PATJ: variants seen among roughly 807,000 people sequenced by gnomAD.
PATJ encodes inaD-like protein.
In PATJ, 190 loss-of-function variants were observed where a neutral mutation model predicts 224.9. That is an observed-to-expected ratio of 0.84 (90% CI 0.75 to 0.95). The LOEUF is 0.95. Ranked by LOEUF, PATJ falls within the 40% of genes least tolerant of loss-of-function variation. PATJ has a pLI of 0.00. For missense variants in PATJ, 2,121 were observed against 2,270.3 expected, an observed-to-expected ratio of 0.93 and a Z score of 1.34; for synonymous variants, 769 against 820.3, an observed-to-expected ratio of 0.94 and a Z score of 1.07.
At chr1:62,144,778 ATAT>A (rs1410511814) in intron 41 of PATJ, among the ~76,000 whole-genome samples, 1,916 of 50,696 alleles carry the variant, frequency 0.038, 61 homozygotes, top group African/African-American at 0.096. Context: ...AAAAAAAAAA[ATAT>A]ATATATATAT....
chr1:62,090,329 G>A (rs796149744), intron 33 of PATJ, among the ~76,000 whole-genome samples: 7 of 152,266 alleles, frequency 4.6e-5, no homozygotes, highest in African/African-American at 1.7e-4. Context: ...TTTGCTCAAA[G>A]GCTGCCCTTT....
chr1:62,000,980 G>T (rs1410580499), intron 28 of PATJ, among the ~76,000 whole-genome samples: 1 of 151,680 alleles, frequency 6.6e-6, no homozygotes, highest in Non-Finnish European at 1.5e-5. Context: ...GTGTCTGTTG[G>T]CTGCATAAAT....
chr1:62,071,778 C>T (rs577030195), intron 31 of PATJ, among the ~76,000 whole-genome samples: 5 of 152,266 alleles, frequency 3.3e-5, no homozygotes, highest in East Asian at 1.9e-4. Context: ...TGAACCACTG[C>T]GCCCGGCCAG....
chr1:62,059,771 T>C (rs905002749), intron 31 of PATJ, among the ~76,000 whole-genome samples: 2 of 152,134 alleles, frequency 1.3e-5, no homozygotes, highest in African/African-American at 4.8e-5. Context: ...TGAAAGTTAA[T>C]AATGACTGAA....
rs115682082 is a variant in PATJ at position 62,154,973 on chromosome 1, A to T, written c.5502+1492A>T. ...ATAGGCAAAAGAGGAGCGGAAAGGCAGCACAGAAACATTCTGGGTAGCAGA... is the reference window on the plus strand; with the variant it reads ...ATAGGCAAAAGAGGAGCGGAAAGGCTGCACAGAAACATTCTGGGTAGCAGA... On this transcript the variant is annotated intron_variant, in intron 43 of 43. Transcript: ENST00000642238. Among the ~76,000 whole-genome samples the T allele has an allele frequency of 3.4e-3, 521 of 152,354 alleles. 2 individuals are homozygous for T. The highest frequency in any genetic ancestry group is 0.012 in the African/African-American group (491 of 41,588).
chr1:61,817,346 C>T (rs1656316608), intron 14 of PATJ, among the ~76,000 whole-genome samples: 1 of 152,184 alleles, frequency 6.6e-6, no homozygotes, highest in Admixed American at 6.5e-5. Flanking sequence ...ACCTGTTACA[C>T]ATTTTTTGAA....
chr1:62,066,286 C>G (rs1419088911), intron 31 of PATJ, among the ~76,000 whole-genome samples: 1 of 152,048 alleles, frequency 6.6e-6, no homozygotes, highest in African/African-American at 2.4e-5. Context: ...CTGAGACACT[C>G]AACTAATAAG....
At position 61,762,218 on chromosome 1, in the gene PATJ, A is replaced by G. The variant is rs141982290; in HGVS notation, c.-35-640A>G. Among the ~76,000 whole-genome samples the G allele has an allele frequency of 6.0e-3, 912 of 152,316 alleles. 4 individuals are homozygous for G. Among genetic ancestry groups the G allele is most frequent in the Middle Eastern group, 0.014 (4 of 292 alleles). On this transcript the variant is annotated intron_variant, in intron 1 of 43. Coordinates refer to ENST00000642238, the MANE Select transcript of PATJ (RefSeq NM_001350145.3). ...GACCCTGCCCCAGGTAAATTAATCT[A>G]TAATTGTAGATTAGTTTTGTCAGTA...
At chr1:62,157,428 G>A (rs975300157) in intron 43 of PATJ, among the ~76,000 whole-genome samples, 8 of 149,288 alleles carry the variant, frequency 5.4e-5, no homozygotes, top group Non-Finnish European at 9.0e-5. Flanking sequence ...AAGTGCCTGC[G>A]AATGATCACT....
intron 17 of PATJ, among the ~76,000 whole-genome samples, chr1:61,851,534 A>T (rs2148887082): frequency 6.6e-6 from 1 of 152,332 alleles, no homozygotes; most frequent in South Asian, 2.1e-4. Flanking sequence ...GGAAAGTGAG[A>T]GACGAGACAG....
chr1:62,037,945 G>GTACTGA (rs1558076665), intron 29 of PATJ, 32 bp from the exon 30 acceptor site: 1 of 1,499,190 alleles, frequency 6.7e-7, no homozygotes, highest in Admixed American at 1.7e-5. Context: ...CATTTACTGT[G>GTACTGA]TACTGATTCT....
intron 17 of PATJ, 60 bp from the exon 18 acceptor site, chr1:61,855,970 T>G: frequency 1.6e-6 from 2 of 1,280,696 alleles, no homozygotes. Context: ...CAAGCTGTCC[T>G]AAGGCTGCAT....
intron 27 of PATJ, among the ~76,000 whole-genome samples, chr1:61,973,350 G>A (rs752001677): frequency 8.6e-5 from 13 of 151,974 alleles, no homozygotes; most frequent in Admixed American, 3.9e-4. Context: ...GAAATAATAC[G>A]TATGTACAGG....
At chr1:61,870,070 G>T (rs1391256750) in intron 20 of PATJ, among the ~76,000 whole-genome samples, 1 of 152,236 alleles carries the variant, frequency 6.6e-6, no homozygotes, top group African/African-American at 2.4e-5. Flanking sequence ...TGCCAGCGAG[G>T]GCAAAGGGCC....
intron 27 of PATJ, among the ~76,000 whole-genome samples, chr1:61,947,474 A>G (rs1571438969): frequency 6.6e-6 from 1 of 152,332 alleles, no homozygotes; most frequent in East Asian, 1.9e-4. Flanking sequence ...ATTGCTACAA[A>G]GAGAATAAAA....
Position 61,759,162 on chromosome 1 carries a change from C to T in PATJ, c.-35-3696C>T, listed in dbSNP as rs114247220. Among the ~76,000 whole-genome samples the T allele has an allele frequency of 2.1e-3, 324 of 152,330 alleles. 1 individual carries two copies. Among genetic ancestry groups the T allele is most frequent in the African/African-American group, 6.9e-3 (286 of 41,580 alleles). Reference sequence around the variant, plus strand: ...CAGGACGGCTTTGAATGCAGCCTGACACAAATTCATAAACTTTCTTAAAAC... The same window carrying T: ...CAGGACGGCTTTGAATGCAGCCTGATACAAATTCATAAACTTTCTTAAAAC... On this transcript the variant is annotated intron_variant, in intron 1 of 43. Transcript: ENST00000642238.
At chr1:61,835,068 A>C (rs1390603219) in intron 17 of PATJ, among the ~76,000 whole-genome samples, 2 of 152,158 alleles carry the variant, frequency 1.3e-5, no homozygotes, top group Non-Finnish European at 2.9e-5. Context: ...AATTTACTGA[A>C]AAAGAAATCT....
chr1:61,828,230 C>T (rs1312225336), intron 16 of PATJ, among the ~76,000 whole-genome samples: 1 of 144,210 alleles, frequency 6.9e-6, no homozygotes, highest in Non-Finnish European at 1.5e-5. Context: ...GCAACAAGAG[C>T]GAAACTCCAT....
chr1:62,114,901 T>C (rs1376967276), intron 35 of PATJ: 3 of 143,574 alleles, frequency 2.1e-5, no homozygotes, highest in Non-Finnish European at 3.0e-5. Flanking sequence ...CAAGACCCCA[T>C]CTGTAAATTA....
Sources: gnomAD v4.1 joint callset for allele counts (sites outside exome capture counted in the v4.1 genomes callset) on GRCh38, gnomAD v4.1.1 for gene constraint, MANE v1.5 for transcripts, NCBI Gene and HGNC (gene_info 2026-07-23, HGNC 2026-07-21) for gene names.